The following TMEM135 variants were observed in gnomAD, a reference collection of about 807,000 sequenced individuals.
The protein encoded by TMEM135 is peroxisomal membrane protein 52.
In TMEM135, 30 loss-of-function variants were observed where a neutral mutation model predicts 60.3. That is an observed-to-expected ratio of 0.50 (90% CI 0.37 to 0.68). The LOEUF (loss-of-function observed/expected upper bound fraction) is 0.68. Among genes scored for constraint, TMEM135 ranks in the 30% least tolerant of loss-of-function variants. TMEM135 has a pLI of 0.00. For missense variants in TMEM135, 468 were observed against 548.8 expected, an observed-to-expected ratio of 0.85 and a Z score of 1.47; for synonymous variants, 190 against 186.7, an observed-to-expected ratio of 1.02 and a Z score of -0.14.
At chr11:87,213,977 T>G (rs950797424) in intron 5 of TMEM135, among the ~76,000 whole-genome samples, 1 of 152,238 alleles carries the variant, frequency 6.6e-6, no homozygotes, top group African/African-American at 2.4e-5. Flanking sequence ...CTTTGCTTCC[T>G]TTAACATTCC....
At chr11:87,149,285 C>T (rs961502703) in intron 4 of TMEM135, among the ~76,000 whole-genome samples, 4 of 152,172 alleles carry the variant, frequency 2.6e-5, no homozygotes, top group Admixed American at 2.6e-4. Context: ...TCAACTTTAG[C>T]TGGGCTTAAG....
In TMEM135 at chr11:87,328,072, C is replaced by T. The variant is rs1942940887; in HGVS notation, c.*6739C>T. On this transcript the variant is annotated 3_prime_UTR_variant, in exon 15 of 15. Coordinates refer to ENST00000305494, the MANE Select transcript of TMEM135 (RefSeq NM_022918.4). ...TTCTCTAGATATTCCTTAATCCAGT[C>T]AAGTTGATGCCTAAAATTAACCATC... 2.2e-6 allele frequency: 1 copy of T among 453,950 alleles called. No individual in the cohort carries two copies. Among genetic ancestry groups the T allele is most frequent in the African/African-American group, 2.0e-5 (1 of 49,984 alleles). The allele number at this position is 453,950 out of a possible 1,614,324, so 28.1% of individuals were successfully genotyped here.
chr11:87,154,986 G>GTTTT (rs1370535582), intron 4 of TMEM135, among the ~76,000 whole-genome samples: 1 of 149,226 alleles, frequency 6.7e-6, no homozygotes, highest in Non-Finnish European at 1.5e-5. Context: ...GTGAAATCCA[G>GTTTT]TTTTATTTAT....
chr11:87,223,889 A>G (rs1325424080), intron 5 of TMEM135, among the ~76,000 whole-genome samples: 3 of 152,136 alleles, frequency 2.0e-5, no homozygotes, highest in Non-Finnish European at 4.4e-5. Flanking sequence ...CCAAAACATT[A>G]TTAGTTCAGG....
intron 5 of TMEM135, among the ~76,000 whole-genome samples, chr11:87,227,131 T>G (rs184681986): frequency 6.6e-6 from 1 of 152,280 alleles, no homozygotes; most frequent in East Asian, 1.9e-4. Flanking sequence ...GCATATTTAC[T>G]GTGAGTTTCC....
intron 6 of TMEM135, among the ~76,000 whole-genome samples, chr11:87,265,271 A>G (rs1941726044): frequency 6.6e-6 from 1 of 151,644 alleles, no homozygotes; most frequent in Non-Finnish European, 1.5e-5. Context: ...CACTCTGATA[A>G]TATGTCTTTG....
intron 4 of TMEM135, among the ~76,000 whole-genome samples, chr11:87,094,348 C>G (rs1857275038): frequency 6.6e-6 from 1 of 152,204 alleles, no homozygotes; most frequent in African/African-American, 2.4e-5. Flanking sequence ...TCATTTTCTT[C>G]TTACAGCCTA....
intron 5 of TMEM135, among the ~76,000 whole-genome samples, chr11:87,158,523 A>G (rs522211): frequency 0.53 from 79,625 of 149,572 alleles, 22,150 homozygotes; most frequent in East Asian, 0.73. Flanking sequence ...GTGCAGTGTC[A>G]TGATCTTGGC....
chr11:87,039,957 GT>G (rs1190625694), intron 1 of TMEM135, among the ~76,000 whole-genome samples: 16 of 152,174 alleles, frequency 1.1e-4, no homozygotes, highest in African/African-American at 3.9e-4. Context: ...AACAAGGTAG[GT>G]TGGGGGTGTT....
At chr11:87,213,996 G>T (rs963474908) in intron 5 of TMEM135, among the ~76,000 whole-genome samples, 1 of 152,148 alleles carries the variant, frequency 6.6e-6, no homozygotes, top group Non-Finnish European at 1.5e-5. Flanking sequence ...CCACAGTGAT[G>T]TGATATATGA....
intron 4 of TMEM135, among the ~76,000 whole-genome samples, chr11:87,155,988 T>C (rs1408836291): frequency 6.6e-6 from 1 of 152,222 alleles, no homozygotes; most frequent in African/African-American, 2.4e-5. Flanking sequence ...AGACTTTTTC[T>C]TACAAGGAAG....
chr11:87,124,792 C>T (rs1012992202), intron 4 of TMEM135, among the ~76,000 whole-genome samples: 1 of 151,846 alleles, frequency 6.6e-6, no homozygotes, highest in African/African-American at 2.4e-5. Context: ...TTCATTTATC[C>T]CTTCCTCCCT....
At chr11:87,051,128 A>C (rs1949838125) in intron 1 of TMEM135, among the ~76,000 whole-genome samples, 1 of 72,358 alleles carries the variant, frequency 1.4e-5, no homozygotes, top group South Asian at 5.0e-4. Context: ...CTTCATGCTA[A>C]AAACTCTCAA....
At chr11:87,044,777 A>G (rs1949780325) in intron 1 of TMEM135, among the ~76,000 whole-genome samples, 1 of 151,762 alleles carries the variant, frequency 6.6e-6, no homozygotes. Flanking sequence ...CAGCCTGCCG[A>G]GTAGCTGGGA....
chr11:87,278,583 A>T (rs948848923), intron 6 of TMEM135, among the ~76,000 whole-genome samples: 3 of 152,122 alleles, frequency 2.0e-5, no homozygotes, highest in African/African-American at 7.2e-5. Flanking sequence ...CACATTGCCC[A>T]GGCTGGTCTC....
chr11:87,045,257 C>A (rs1401821204), intron 1 of TMEM135, among the ~76,000 whole-genome samples: 1 of 151,886 alleles, frequency 6.6e-6, no homozygotes, highest in South Asian at 2.1e-4. Flanking sequence ...GTCTCGATCT[C>A]CTGACCTTGT....
chr11:87,190,268 TG>T (rs1939768122), intron 5 of TMEM135, among the ~76,000 whole-genome samples: 1 of 152,188 alleles, frequency 6.6e-6, no homozygotes. Context: ...ACTTTATTTT[TG>T]GTTGCTGTCT....
intron 6 of TMEM135, among the ~76,000 whole-genome samples, chr11:87,256,965 T>C (rs1941539309): frequency 6.6e-6 from 1 of 152,106 alleles, no homozygotes; most frequent in African/African-American, 2.4e-5. Context: ...TCTTTCAGCT[T>C]CTCAAATGAG....
In TMEM135 at chr11:87,264,317, T is replaced by C. The variant is rs572726422; in HGVS notation, c.509+27633T>C. 2.1e-3 allele frequency among the ~76,000 whole-genome samples: 320 copies of C among 151,536 alleles called. 2 individuals are homozygous for C. The highest frequency in any genetic ancestry group is 0.02 in the Middle Eastern group (6 of 294). The stretch of plus-strand genomic sequence containing the variant: ...TTTTCTGTTCTTTTTCTTTTCTTTT[T>C]TTTTGTTGTTTGTTTTCTGCTTTTA... On this transcript the variant is annotated intron_variant, in intron 6 of 14. Transcript: ENST00000305494.
Sources: allele counts gnomAD v4.1 joint callset (sites outside exome capture counted in the v4.1 genomes callset), GRCh38; gene constraint gnomAD v4.1.1; transcripts MANE v1.5; gene names NCBI Gene and HGNC (gene_info 2026-07-23, HGNC 2026-07-21).